SLC5A2: variants seen among roughly 807,000 people sequenced by gnomAD.
The protein encoded by SLC5A2 is sodium/glucose cotransporter 2.
SLC5A2 carries 67 observed loss-of-function variants against 69.0 expected under a neutral mutation model. The observed-to-expected ratio is 0.97, with a 90% CI of 0.80 to 1.19. The LOEUF is 1.19. Ranked by LOEUF, SLC5A2 falls within the 50% of genes most tolerant of loss-of-function variation. The pLI is 0.00. For synonymous variants in SLC5A2, 455 were observed against 395.8 expected (o/e 1.15, Z -1.78); for missense variants, 1,001 against 921.5 (o/e 1.09, Z -1.12).
At chr16:31,487,026 C>A (rs1047471273) in intron 5 of SLC5A2, among the ~76,000 whole-genome samples, 1 of 151,192 alleles carries the variant, frequency 6.6e-6, no homozygotes, top group African/African-American at 2.4e-5. Flanking sequence ...GCCTGGGCGA[C>A]AGGGCAAGAC....
At chr16:31,489,965 A>G in intron 12 of SLC5A2, 139 bp from the exon 13 acceptor site, 1 of 1,136,314 alleles carries the variant, frequency 8.8e-7, no homozygotes, top group South Asian at 1.3e-5. Flanking sequence ...TGGAGTTGGC[A>G]TGAGTTAAGC....
At position 31,485,726 on chromosome 16, in the gene SLC5A2, T is replaced by C; in HGVS notation, c.304-3T>C. On this transcript the variant is annotated splice_polypyrimidine_tract_variant and splice_region_variant and intron_variant, in intron 3 of 13. Coordinates refer to ENST00000330498, the MANE Select transcript of SLC5A2 (RefSeq NM_003041.4). ...CCCTCAGCGGCAGTACTGCCCCCCG[T>C]AGGCGCTCTTCGTGGTGCTGCTACT... 1 of 1,613,018 alleles carries C rather than the reference T, an allele frequency of 6.2e-7. No individual in the cohort carries two copies. The highest frequency in any genetic ancestry group is 2.2e-5 in the East Asian group (1 of 44,874).
At chr16:31,487,892 A>G (rs975387144) in intron 7 of SLC5A2, 133 bp downstream of exon 7, 19 of 1,421,268 alleles carry the variant, frequency 1.3e-5, no homozygotes, top group Non-Finnish European at 1.6e-5. Context: ...GGTTGGTGCT[A>G]AACCAGACAG....
intron 7 of SLC5A2, 34 bp downstream of exon 7, chr16:31,487,793 G>GGGGCGGAGCCGAGAC: frequency 1.3e-6 from 2 of 1,571,106 alleles, no homozygotes; most frequent in Non-Finnish European, 1.7e-6. Flanking sequence ...CAGTGAGGCC[G>GGGGCGGAGCCGAGAC]GGGCGGAGCC....
intron 1 of SLC5A2, 33 bp from the exon 2 acceptor site, chr16:31,484,640 T>G: frequency 6.2e-7 from 1 of 1,600,500 alleles, no homozygotes; most frequent in Non-Finnish European, 8.5e-7. Context: ...GGCTGTGCCC[T>G]AAACCCAGGT....
At chr16:31,484,567 G>A in intron 1 of SLC5A2, 106 bp from the exon 2 acceptor site, 1 of 1,279,078 alleles carries the variant, frequency 7.8e-7, no homozygotes, top group South Asian at 1.2e-5. Context: ...GGGAAACTTG[G>A]CTCGTTAATC....
In SLC5A2 at chr16:31,484,704, G is replaced by A. The variant is rs1466854325; in HGVS notation, c.158G>A (p.Gly53Asp). 1.9e-6 allele frequency: 3 copies of A among 1,609,200 alleles called. No homozygotes were observed. The highest frequency in any genetic ancestry group is 2.2e-5 in the East Asian group (1 of 44,882). Reference protein sequence around the residue: ...SMCRTNRGTVGGYFLAGRSMV... With the variant: ...SMCRTNRGTVDGYFLAGRSMV... ...TGCAGAACCAACAGAGGCACTGTGG[G>A]CGGCTACTTCCTGGCAGGACGCAGC... Residue 53 changes from glycine (G) to aspartate (D), a missense_variant, in exon 2 of 14, where the codon GGC becomes GAC. Gly to Asp is a moderately conservative substitution (Grantham distance 94). Coordinates refer to ENST00000330498, the MANE Select transcript of SLC5A2 (RefSeq NM_003041.4).
At chr16:31,486,371 A>T in intron 5 of SLC5A2, 96 bp downstream of exon 5, 1 of 867,850 alleles carries the variant, frequency 1.2e-6, no homozygotes, top group South Asian at 1.3e-5. Flanking sequence ...CAAGCTGGAG[A>T]GGTCTGGAAG....
rs374900599 is a variant in SLC5A2 at position 31,489,962 on chromosome 16, G to A, written c.1666-142G>A. The A allele has an allele frequency of 4.5e-5, 49 of 1,083,506 alleles. 1 individual carries two copies. The East Asian group carries it at 1.0e-3, about 23-fold the overall frequency. 67.1% of individuals were successfully genotyped at this position (1,083,506 alleles called of 1,614,324 possible). A position where few individuals can be genotyped will look rare whatever the true frequency, so the allele number is the denominator to read the frequency against. The stretch of plus-strand genomic sequence containing the variant: ...CAGGGCAGCCATGTAGGGTGGAGTT[G>A]GCATGAGTTAAGCCTGGGCTGGGTG... On this transcript the variant is annotated intron_variant, in intron 12 of 13. Coordinates refer to ENST00000330498, the MANE Select transcript of SLC5A2 (RefSeq NM_003041.4).
Position 31,488,620 on chromosome 16 carries a change from A to C in SLC5A2, c.1130-2A>C. ...AGCCTCACGGCTGCCGTCGGCCCGC[A>C]GGTCTGCGCGGACTCATGCTGGCGG... On this transcript the variant is annotated splice_acceptor_variant, in intron 9 of 13. Coordinates refer to ENST00000330498, the MANE Select transcript of SLC5A2 (RefSeq NM_003041.4). LOFTEE classifies it high-confidence loss of function. 1.2e-6 allele frequency: 2 copies of C among 1,610,300 alleles called. No homozygotes were observed. The highest frequency in any genetic ancestry group is 1.7e-6 in the Non-Finnish European group (2 of 1,179,052).
rs1454649230 is a variant in SLC5A2, at chr16:31,489,248, C to T, written c.1575C>T (p.His525=). Residue 525 remains histidine, a synonymous_variant, in exon 12 of 14, where the codon CAC becomes CAT. Transcript: ENST00000330498. The part of the protein sequence containing the change: ...SACPAFLCGV[H]YLYFAIVLFF... The stretch of plus-strand genomic sequence containing the variant: ...GCCCAGCTTTCCTCTGCGGCGTGCA[C>T]TACCTCTACTTCGCCATTGTGCTGT... 3 of 1,610,770 alleles carry T rather than the reference C, an allele frequency of 1.9e-6. No homozygotes were observed.
rs534057160 is a variant in SLC5A2 at position 31,488,622 on chromosome 16, G to A, written c.1130G>A (p.Gly377Asp). 3.7e-6 allele frequency: 6 copies of A among 1,610,718 alleles called. No individual in the cohort carries two copies. Among genetic ancestry groups the A allele is most frequent in the South Asian group, 1.1e-5 (1 of 90,964 alleles). ...PRLVVKLMPN[G>D]LRGLMLAVML... ...CCTCACGGCTGCCGTCGGCCCGCAGGTCTGCGCGGACTCATGCTGGCGGTC... is the reference window on the plus strand; with the variant it reads ...CCTCACGGCTGCCGTCGGCCCGCAGATCTGCGCGGACTCATGCTGGCGGTC... The change falls in exon 10 of 14, where the codon GGT becomes GAT. Residue 377 changes from glycine (G) to aspartate (D), a missense_variant and splice_region_variant. By Grantham distance (94) the Gly-to-Asp change is moderately conservative. Coordinates refer to ENST00000330498, the MANE Select transcript of SLC5A2 (RefSeq NM_003041.4).
At chr16:31,487,193 G>A in intron 5 of SLC5A2, 127 bp from the exon 6 acceptor site, 1 of 946,596 alleles carries the variant, frequency 1.1e-6, no homozygotes, top group South Asian at 1.3e-5. Context: ...CCCGAGAACA[G>A]GCTATCGTTT....
In SLC5A2 at chr16:31,484,820, T is replaced by C. The variant is rs769063338; in HGVS notation, c.200T>C (p.Val67Ala). 3 of 1,613,248 alleles carry C rather than the reference T, an allele frequency of 1.9e-6. No individual in the cohort carries two copies. Among genetic ancestry groups the C allele is most frequent in the South Asian group, 2.2e-5 (2 of 91,088 alleles). ...TCACTCCCTCCTCTGGCCACCCAGG[T>C]TGGGGCCTCTCTCTTCGCCAGCAAC... Reference protein sequence around the residue: ...LAGRSMVWWPVGASLFASNIG... With the variant: ...LAGRSMVWWPAGASLFASNIG... Residue 67 changes from valine (V) to alanine (A), a missense_variant and splice_region_variant, in exon 3 of 14, where the codon GTT becomes GCT. Transcript: ENST00000330498.
Position 31,489,399 on chromosome 16 carries a change from G to A in SLC5A2, c.1665+61G>A. ...ACACAGCACCTACCCTCTGCTTCCT[G>A]GAGTGCCCAGCTGGGAGGACCTGAA... On this transcript the variant is annotated intron_variant, in intron 12 of 13. Transcript: ENST00000330498. The A allele has an allele frequency of 2.0e-6, 3 of 1,480,752 alleles. No individual in the cohort carries two copies. In the South Asian group the frequency reaches 3.5e-5, roughly 17 times the overall value. The allele number at this position is 1,480,752 out of a possible 1,614,324, so 91.7% of individuals were successfully genotyped here.
chr16:31,485,000 G>A, intron 3 of SLC5A2, 77 bp downstream of exon 3: 1 of 1,323,132 alleles, frequency 7.6e-7, no homozygotes, highest in South Asian at 1.2e-5. Flanking sequence ...GAAACTCCAG[G>A]AAAGGGGGAA....
intron 11 of SLC5A2, 21 bp downstream of exon 11, chr16:31,489,069 G>C (rs762108039): frequency 6.2e-7 from 1 of 1,602,470 alleles, no homozygotes; most frequent in South Asian, 1.1e-5. Context: ...CGCGCGTGGT[G>C]ACGGCAGGGC....
In SLC5A2 at chr16:31,490,341, C is replaced by T. The variant is rs962089914; in HGVS notation, c.1825C>T (p.Gln609Ter). ...GGCCCCGGCACCAAGCCTCTTCCGCCAGTGCCTGCTCTGGTTTTGTGGAAT... is the reference window on the plus strand; with the variant it reads ...GGCCCCGGCACCAAGCCTCTTCCGCTAGTGCCTGCTCTGGTTTTGTGGAAT... ...PQAPAPSLFR[Q>*]CLLWFCGMSR... The change falls in exon 14 of 14, where the codon CAG (glutamine) becomes TAG (stop). Residue 609 changes from glutamine (Q) to a stop codon, truncating the protein, a stop_gained. Transcript: ENST00000330498. LOFTEE classifies it high-confidence loss of function. 6.2e-7 allele frequency: 1 copy of T among 1,612,728 alleles called. No individual in the cohort carries two copies. Among genetic ancestry groups the T allele is most frequent in the East Asian group, 2.2e-5 (1 of 44,864 alleles).
chr16:31,489,064 G>A lies in SLC5A2; in HGVS notation c.1449+16G>A, dbSNP rs747570701. 1.2e-6 allele frequency: 2 copies of A among 1,601,986 alleles called. No homozygotes were observed. Among genetic ancestry groups the A allele is most frequent in the Non-Finnish European group, 8.5e-7 (1 of 1,179,902 alleles). The stretch of plus-strand genomic sequence containing the variant: ...TAATGAGCAGGTGAGCGGCACGCGC[G>A]TGGTGACGGCAGGGCTGGGCTTGCA... On this transcript the variant is annotated intron_variant, in intron 11 of 13. Coordinates refer to ENST00000330498, the MANE Select transcript of SLC5A2 (RefSeq NM_003041.4).
Sources: allele counts gnomAD v4.1 joint callset (sites outside exome capture counted in the v4.1 genomes callset), GRCh38; gene constraint gnomAD v4.1.1; transcripts MANE v1.5; gene names NCBI Gene and HGNC (gene_info 2026-07-23, HGNC 2026-07-21).